KATNIP: variants seen among roughly 807,000 people sequenced by gnomAD.
KATNIP encodes the protein katanin interacting protein, also known as katanin-interacting protein.
KATNIP carries 126 observed loss-of-function variants against 174.0 expected under a neutral mutation model. The ratio of observed to expected loss-of-function variants is 0.72; its 90% CI spans 0.63 to 0.84. The LOEUF is 0.84. Ranked by LOEUF, KATNIP falls within the 40% of genes least tolerant of loss-of-function variation. The pLI, the probability that KATNIP is intolerant of heterozygous loss-of-function variation, is 0.00. For synonymous variants in KATNIP, 810 were observed against 835.7 expected, an observed-to-expected ratio of 0.97 and a Z score of 0.53; for missense variants, 1,958 against 2,109.7, an observed-to-expected ratio of 0.93 and a Z score of 1.41.
chr16:27,695,620 G>A (rs933275269), intron 8 of KATNIP, among the ~76,000 whole-genome samples: 10 of 152,202 alleles, frequency 6.6e-5, no homozygotes, highest in African/African-American at 2.4e-4. Context: ...CTCTCACCAT[G>A]TGAGTGGGGG....
Position 27,778,774 on chromosome 16 carries a change from G to A in KATNIP, c.*145G>A, listed in dbSNP as rs1269938032. 2 of 696,516 alleles carry A rather than the reference G, an allele frequency of 2.9e-6. No individual in the cohort carries two copies. Among genetic ancestry groups the A allele is most frequent in the African/African-American group, 1.8e-5 (1 of 55,364 alleles). The allele number at this position is 696,516 out of a possible 1,614,324, so 43.1% of individuals were successfully genotyped here. On this transcript the variant is annotated 3_prime_UTR_variant, in exon 28 of 28. Coordinates refer to ENST00000261588, the MANE Select transcript of KATNIP (RefSeq NM_015202.5). ...GAGCCCGCTGGGAAGAGGGGACTCGGGAGGACAGCCCTGGATACTACCAGA... is the reference window on the plus strand; with the variant it reads ...GAGCCCGCTGGGAAGAGGGGACTCGAGAGGACAGCCCTGGATACTACCAGA...
At chr16:27,734,396 A>T (rs1474624594) in intron 14 of KATNIP, among the ~76,000 whole-genome samples, 27 of 72,076 alleles carry the variant, frequency 3.7e-4, no homozygotes, top group African/African-American at 1.3e-3. Flanking sequence ...GGACTTATTT[A>T]AAAAAAAAAA....
intron 3 of KATNIP, among the ~76,000 whole-genome samples, chr16:27,625,364 T>C (rs897740932): frequency 6.6e-6 from 1 of 152,182 alleles, no homozygotes; most frequent in African/African-American, 2.4e-5. Context: ...GGAGAGAAGT[T>C]GAGGCAGGCT....
chr16:27,691,489 G>A (rs2078732167), intron 8 of KATNIP, among the ~76,000 whole-genome samples: 1 of 152,180 alleles, frequency 6.6e-6, no homozygotes, highest in Non-Finnish European at 1.5e-5. Context: ...ACCATCATGG[G>A]GTATTCAGGC....
chr16:27,645,926 TG>T (rs2076944962), intron 5 of KATNIP, among the ~76,000 whole-genome samples: 2 of 152,100 alleles, frequency 1.3e-5, no homozygotes, highest in South Asian at 2.1e-4. Context: ...ACCGTCTTAG[TG>T]GGGCACATGG....
chr16:27,738,333 C>T (rs1053862897), intron 14 of KATNIP, among the ~76,000 whole-genome samples: 4 of 152,084 alleles, frequency 2.6e-5, no homozygotes, highest in Non-Finnish European at 5.9e-5. Context: ...GTGATAGGTA[C>T]GTTTGTTCTC....
chr16:27,598,008 G>A (rs1293572082), intron 2 of KATNIP, among the ~76,000 whole-genome samples: 1 of 152,160 alleles, frequency 6.6e-6, no homozygotes, highest in East Asian at 1.9e-4. Flanking sequence ...TGGGCAGATC[G>A]TCTGAGCTCG....
At chr16:27,621,135 G>C (rs1424661114) in intron 3 of KATNIP, among the ~76,000 whole-genome samples, 2 of 152,030 alleles carry the variant, frequency 1.3e-5, no homozygotes, top group Admixed American at 6.6e-5. Context: ...AAATAGCCAG[G>C]TGTGGTGGCA....
Position 27,698,378 on chromosome 16 carries a change from T to C in KATNIP, c.991T>C (p.Cys331Arg). 1 of 1,612,996 alleles carries C rather than the reference T, an allele frequency of 6.2e-7. No individual in the cohort carries two copies. Among genetic ancestry groups the C allele is most frequent in the Non-Finnish European group, 8.5e-7 (1 of 1,179,500 alleles). The change falls in exon 9 of 28, where the codon TGC becomes CGC. Residue 331 changes from cysteine to arginine, a missense_variant. Cys to Arg is a radical substitution (Grantham distance 180). Coordinates refer to ENST00000261588, the MANE Select transcript of KATNIP (RefSeq NM_015202.5). ...CCTGTCTGCAACCCGCAAAACTCTT[T>C]GCGAGGCTGAGTACCCAGAGGAAGA... The part of the protein sequence containing the change: ...RPLSATRKTL[C>R]EAEYPEEDAS...
chr16:27,675,698 GTTCT>G (rs1369305104), intron 6 of KATNIP, among the ~76,000 whole-genome samples: 11 of 152,046 alleles, frequency 7.2e-5, no homozygotes, highest in Non-Finnish European at 1.2e-4. Context: ...CTTTCGTTTT[GTTCT>G]TTCTTTCTCC....
intron 8 of KATNIP, among the ~76,000 whole-genome samples, chr16:27,689,237 A>T (rs1353364605): frequency 6.6e-6 from 1 of 152,122 alleles, no homozygotes. Context: ...CCAACATGTC[A>T]GAACCCCATC....
intron 12 of KATNIP, chr16:27,708,465 C>A: frequency 2.2e-6 from 1 of 464,094 alleles, no homozygotes; most frequent in Non-Finnish European, 3.8e-6. Flanking sequence ...AACTTTCAAA[C>A]AGAATGCTCA....
At chr16:27,675,221 C>T (rs116742423) in intron 6 of KATNIP, among the ~76,000 whole-genome samples, 1,843 of 152,312 alleles carry the variant, frequency 0.012, 50 homozygotes, top group African/African-American at 0.042. Context: ...AAAGTCACAG[C>T]TTACATGGTG....
intron 15 of KATNIP, among the ~76,000 whole-genome samples, chr16:27,741,293 G>T (rs1004366873): frequency 2.6e-5 from 4 of 152,098 alleles, no homozygotes; most frequent in Admixed American, 1.3e-4. Context: ...TAGAAAAATA[G>T]CTGGGTACAG....
intron 8 of KATNIP, among the ~76,000 whole-genome samples, chr16:27,689,822 C>A (rs1455352361): frequency 6.6e-6 from 1 of 152,156 alleles, no homozygotes; most frequent in African/African-American, 2.4e-5. Flanking sequence ...TCTAGGACAG[C>A]CTTACTCACA....
intron 20 of KATNIP, among the ~76,000 whole-genome samples, chr16:27,768,084 G>A (rs535022528): frequency 2.0e-5 from 3 of 152,260 alleles, no homozygotes; most frequent in Admixed American, 1.3e-4. Context: ...AGTGGGATGA[G>A]GTGGGGGTGG....
intron 2 of KATNIP, among the ~76,000 whole-genome samples, chr16:27,583,384 C>A (rs1433847734): frequency 6.6e-6 from 1 of 152,182 alleles, no homozygotes; most frequent in East Asian, 1.9e-4. Flanking sequence ...GCTCTCTTTA[C>A]CTCCTCCCTC....
At chr16:27,561,187 T>TA (rs1351127675) in intron 1 of KATNIP, among the ~76,000 whole-genome samples, 3 of 120,274 alleles carry the variant, frequency 2.5e-5, no homozygotes, top group Admixed American at 1.6e-4. Flanking sequence ...AATTTTTGTA[T>TA]TTTTTTTTTT....
rs1427734063 is a variant in KATNIP, at chr16:27,761,459, G to C, written c.3678G>C (p.Leu1226=). 1.2e-6 allele frequency: 2 copies of C among 1,613,908 alleles called. No homozygotes were observed. The highest frequency in any genetic ancestry group is 1.7e-5 in the Admixed American group (1 of 59,982). ...FTASWGDLHY[L]GLTGLEVVGK... ...CCTCCTGGGGAGACTTGCACTACCT[G>C]GGGCTCACTGGCCTGGAAGTGGTGG... The change falls in exon 19 of 28, where the codon CTG becomes CTC. Residue 1226 remains leucine, a synonymous_variant. Transcript: ENST00000261588.
Sources: allele counts gnomAD v4.1 joint callset (sites outside exome capture counted in the v4.1 genomes callset), GRCh38; gene constraint gnomAD v4.1.1; transcripts MANE v1.5; gene names NCBI Gene and HGNC (gene_info 2026-07-23, HGNC 2026-07-21).